The following POLH variants were observed in gnomAD, a reference collection of about 807,000 sequenced individuals.
POLH encodes the protein DNA polymerase eta.
In POLH, 53 loss-of-function variants were observed where a neutral mutation model predicts 73.6. That is an observed-to-expected ratio of 0.72 (90% CI 0.58 to 0.91). POLH has a LOEUF of 0.91. POLH is among the 40% of genes least tolerant of loss of function. The pLI is 0.00. For missense variants in POLH, 768 were observed against 865.4 expected (o/e 0.89, Z 1.41); for synonymous variants, 292 against 308.5 (o/e 0.95, Z 0.56).
chr6:43,616,586 C>CA lies in POLH; in HGVS notation c.*2043dup, dbSNP rs368089629. 0.27 allele frequency among the ~76,000 whole-genome samples: 32,036 copies of CA among 118,144 alleles called. 4,367 individuals carry two copies. The highest frequency in any genetic ancestry group is 0.42 in the African/African-American group (14,895 of 35,162). The allele number at this position is 118,144 out of a possible 152,430, so 77.5% of individuals were successfully genotyped here. A position where few individuals can be genotyped will look rare whatever the true frequency, so the allele number is the denominator to read the frequency against. The stretch of plus-strand genomic sequence containing the variant: ...CCAGGGTGAGAGTGAGAGACTGTCT[C>CA]AAAAAAAAAAAAAACAAAAGAAAAA... On this transcript the variant is annotated 3_prime_UTR_variant, in exon 11 of 11. Transcript: ENST00000372236.
At chr6:43,602,295 A>G (rs1037517164) in intron 6 of POLH, among the ~76,000 whole-genome samples, 1 of 152,238 alleles carries the variant, frequency 6.6e-6, no homozygotes, top group African/African-American at 2.4e-5. Context: ...GGCCTTGACA[A>G]GGACTTATAA....
chr6:43,608,029 G>T (rs974988348), intron 9 of POLH, among the ~76,000 whole-genome samples: 2 of 152,152 alleles, frequency 1.3e-5, no homozygotes, highest in Admixed American at 6.6e-5. Context: ...TACGCAGGAG[G>T]CTGAGGCAAG....
In POLH at chr6:43,616,137, G is replaced by A. The variant is rs1335303293; in HGVS notation, c.*1580G>A. 3.3e-5 allele frequency among the ~76,000 whole-genome samples: 5 copies of A among 152,010 alleles called. No homozygotes were observed. The highest frequency in any genetic ancestry group is 9.7e-5 in the African/African-American group (4 of 41,398). ...TAAAAAATACAAAAAAAAATTAGCC[G>A]GGTGCGGTGGCAGGCGCCTGTAGTC... On this transcript the variant is annotated 3_prime_UTR_variant, in exon 11 of 11. Transcript: ENST00000372236.
At chr6:43,591,128 G>C (rs1310742993) in intron 4 of POLH, 5 of 152,068 alleles carry the variant, frequency 3.3e-5, no homozygotes, top group Non-Finnish European at 5.9e-5. Flanking sequence ...AGATCCTTTA[G>C]TTCTTTGGAC....
At chr6:43,593,646 C>T (rs1320320188) in intron 4 of POLH, among the ~76,000 whole-genome samples, 1 of 152,008 alleles carries the variant, frequency 6.6e-6, no homozygotes, top group Non-Finnish European at 1.5e-5. Context: ...CTTTGAGAGG[C>T]CAGGGTGAGC....
In POLH at chr6:43,620,326, C is replaced by T. The variant is rs1436962454; in HGVS notation, c.*5769C>T. ...ACAATACTTGGTTACAATACTGGAA[C>T]TCTGAACCTATGTGGAGGAGAGAAA... is the stretch of plus-strand genomic sequence containing the variant. On this transcript the variant is annotated 3_prime_UTR_variant, in exon 11 of 11. Coordinates refer to ENST00000372236, the MANE Select transcript of POLH (RefSeq NM_006502.3). 3 of 514,982 alleles carry T rather than the reference C, an allele frequency of 5.8e-6. No homozygotes were observed. Among genetic ancestry groups the T allele is most frequent in the Admixed American group, 2.0e-5 (1 of 50,184 alleles). The allele number at this position is 514,982 out of a possible 1,614,324, so 31.9% of individuals were successfully genotyped here. A position where few individuals can be genotyped will look rare whatever the true frequency, so the allele number is the denominator to read the frequency against.
chr6:43,605,443 CT>C (rs540143863), intron 9 of POLH, 124 bp downstream of exon 9: 42,395 of 285,232 alleles, frequency 0.15, 22 homozygotes, highest in South Asian at 0.19. Flanking sequence ...CGTTTTCTTT[CT>C]TTTTTTTTTT....
Position 43,618,815 on chromosome 6 carries a change from G to C in POLH, c.*4258G>C, listed in dbSNP as rs891761946. Among the ~76,000 whole-genome samples the C allele has an allele frequency of 6.6e-6, 1 of 151,926 alleles. No homozygotes were observed. The highest frequency in any genetic ancestry group is 1.5e-5 in the Non-Finnish European group (1 of 67,998). On this transcript the variant is annotated 3_prime_UTR_variant, in exon 11 of 11. Transcript: ENST00000372236. ...CTGGCTAATTTTTGTATTTTTAGTAGAGATGGGGTTTCGCCACGTTGGCCA... is the reference window on the plus strand; with the variant it reads ...CTGGCTAATTTTTGTATTTTTAGTACAGATGGGGTTTCGCCACGTTGGCCA...
chr6:43,598,088 C>T (rs1766295161), intron 5 of POLH, among the ~76,000 whole-genome samples: 1 of 151,412 alleles, frequency 6.6e-6, no homozygotes, highest in South Asian at 2.1e-4. Context: ...ACCTACAGTC[C>T]CAGCTACTCA....
chr6:43,609,016 C>T (rs777686696), intron 9 of POLH, among the ~76,000 whole-genome samples: 47 of 152,286 alleles, frequency 3.1e-4, no homozygotes, highest in Non-Finnish European at 3.1e-4. Flanking sequence ...CTTCCCGTTT[C>T]TTTGCCCTGG....
At chr6:43,605,898 A>G (rs1277482547) in intron 9 of POLH, among the ~76,000 whole-genome samples, 2 of 150,698 alleles carry the variant, frequency 1.3e-5, no homozygotes, top group African/African-American at 2.5e-5. Context: ...TTTGTTTTGT[A>G]TTTTCAGTAG....
At chr6:43,598,219 G>T (rs1262929847) in intron 5 of POLH, among the ~76,000 whole-genome samples, 2 of 144,936 alleles carry the variant, frequency 1.4e-5, no homozygotes, top group African/African-American at 5.5e-5. Flanking sequence ...AAAAAAAAAA[G>T]TTGTTACACA....
intron 1 of POLH, among the ~76,000 whole-genome samples, chr6:43,579,911 TTTTA>T (rs924302818): frequency 7.4e-5 from 11 of 149,504 alleles, no homozygotes; most frequent in African/African-American, 2.5e-4. Flanking sequence ...TTTTTTTTTT[TTTTA>T]AATTTATTTT....
intron 1 of POLH, among the ~76,000 whole-genome samples, chr6:43,580,905 C>T (rs1351373294): frequency 6.6e-6 from 1 of 150,922 alleles, no homozygotes; most frequent in African/African-American, 2.4e-5. Flanking sequence ...ACCCCCCCAC[C>T]TCCCTCCCGG....
At chr6:43,592,532 C>T (rs1765578376) in intron 4 of POLH, among the ~76,000 whole-genome samples, 1 of 151,972 alleles carries the variant, frequency 6.6e-6, no homozygotes, top group South Asian at 2.1e-4. Context: ...CTGCCTCAGC[C>T]TCCCGAGTAG....
intron 1 of POLH, among the ~76,000 whole-genome samples, chr6:43,576,971 C>T (rs1252797374): frequency 6.6e-6 from 1 of 152,190 alleles, no homozygotes; most frequent in Non-Finnish European, 1.5e-5. Flanking sequence ...GCCTCACCAA[C>T]ATGGTGAAAC....
intron 3 of POLH, among the ~76,000 whole-genome samples, chr6:43,583,440 T>G (rs1051636997): frequency 2.6e-5 from 4 of 152,294 alleles, no homozygotes; most frequent in African/African-American, 7.2e-5. Context: ...CATCCAAAAA[T>G]CTAAAGTATT....
chr6:43,603,208 C>T (rs1028034920), intron 6 of POLH, among the ~76,000 whole-genome samples: 21 of 151,982 alleles, frequency 1.4e-4, no homozygotes, highest in African/African-American at 4.1e-4. Flanking sequence ...CTCACTGTAA[C>T]CTCTGCCTCC....
intron 4 of POLH, among the ~76,000 whole-genome samples, chr6:43,594,455 G>A (rs1765827593): frequency 6.6e-6 from 1 of 152,196 alleles, no homozygotes; most frequent in South Asian, 2.1e-4. Flanking sequence ...GGGCACAGTG[G>A]CTCACGCCTG....
Sources: gnomAD v4.1 joint callset for allele counts (sites outside exome capture counted in the v4.1 genomes callset) on GRCh38, gnomAD v4.1.1 for gene constraint, MANE v1.5 for transcripts, NCBI Gene and HGNC (gene_info 2026-07-23, HGNC 2026-07-21) for gene names.